The following DHX29 variants were observed in gnomAD, a reference collection of about 807,000 sequenced individuals.
DHX29 encodes the protein DExH-box helicase 29.
In DHX29, 79 loss-of-function variants were observed where a neutral mutation model predicts 167.9. That is an observed-to-expected ratio of 0.47 (90% confidence interval 0.39 to 0.57). The LOEUF (loss-of-function observed/expected upper bound fraction) is 0.57. Among genes scored for constraint, DHX29 ranks in the 20% least tolerant of loss-of-function variants. The pLI is 0.00. For missense variants in DHX29, 1,347 were observed against 1,593.4 expected (o/e 0.85, Z 2.63); for synonymous variants, 530 against 546.0 (o/e 0.97, Z 0.41).
chr5:55,286,942 G>A (rs1459397054), intron 8 of DHX29, among the ~76,000 whole-genome samples: 5 of 152,130 alleles, frequency 3.3e-5, no homozygotes, highest in Non-Finnish European at 5.9e-5. Context: ...CTAAACATCT[G>A]TCAAATCTCA....
rs138071400 is a variant in DHX29, at chr5:55,295,389, G to A, written c.641C>T (p.Pro214Leu). Residue 214 changes from proline to leucine, a missense_variant, in exon 5 of 27, where the codon CCT becomes CTT. Around this residue, in one of 3 missense-constraint regions of DHX29, gnomAD observed 405 missense variants for 416.8 expected, o/e 0.97. Transcript: ENST00000251636. ...QPKTKTYEED[P>L]KSKPKKEEKN... The stretch of plus-strand genomic sequence containing the variant: ...TAATTCTCAAATTACCTTACTCTTA[G>A]GGTCCTCTTCATATGTTTTTGTTTT... 1.9e-5 allele frequency: 30 copies of A among 1,610,504 alleles called. No homozygotes were observed. Among genetic ancestry groups the A allele is most frequent in the African/African-American group, 1.6e-4 (12 of 74,900 alleles).
chr5:55,283,152 G>A (rs1194023393), intron 11 of DHX29, 51 bp downstream of exon 11: 1 of 1,529,114 alleles, frequency 6.5e-7, no homozygotes, highest in South Asian at 1.3e-5. Context: ...CAAAAGCAAA[G>A]GTGAGTAATG....
In DHX29 at chr5:55,267,751, A is replaced by G. The variant is rs752518515; in HGVS notation, c.3366T>C (p.Asp1122=). The G allele has an allele frequency of 6.2e-6, 10 of 1,609,606 alleles. No individual in the cohort carries two copies. Among genetic ancestry groups the G allele is most frequent in the African/African-American group, 2.7e-5 (2 of 74,820 alleles). Residue 1122 remains aspartate (D), a synonymous_variant, in exon 22 of 27, where the codon GAT becomes GAC. Coordinates refer to ENST00000251636, the MANE Select transcript of DHX29 (RefSeq NM_019030.4). ...TTPIGRKDEA[D]LAKSALAMAD... is the part of the protein sequence containing the mutation. ...CCATGGCCAAAGCTGATTTTGCAAG[A>G]TCTGCTTCATCTTTTCGACCAATTG... is the stretch of plus-strand genomic sequence containing the variant.
At chr5:55,270,340 T>G in intron 20 of DHX29, 72 bp downstream of exon 20, 2 of 1,467,058 alleles carry the variant, frequency 1.4e-6, no homozygotes, top group African/African-American at 1.4e-5. Flanking sequence ...TAAGGTAAGT[T>G]TAGGTGTTCA....
intron 1 of DHX29, among the ~76,000 whole-genome samples, chr5:55,303,286 T>C (rs1748698816): frequency 6.6e-6 from 1 of 152,200 alleles, no homozygotes; most frequent in Non-Finnish European, 1.5e-5. Context: ...AGTGTGTACA[T>C]CTGCAGAATG....
At chr5:55,274,164 T>C (rs1422110764) in intron 16 of DHX29, among the ~76,000 whole-genome samples, 1 of 148,402 alleles carries the variant, frequency 6.7e-6, no homozygotes. Context: ...TAGGCCATGG[T>C]GAGAAGTTCC....
Position 55,283,174 on chromosome 5 carries a change from C to T in DHX29, c.1965+29G>A, listed in dbSNP as rs562543125. On this transcript the variant is annotated intron_variant, in intron 11 of 26. Transcript: ENST00000251636. ...AAAGGTGAGTAATGTCACCATCATTCACTGAGGTGGAGTTGAATGACAGCT... is the reference window on the plus strand; with the variant it reads ...AAAGGTGAGTAATGTCACCATCATTTACTGAGGTGGAGTTGAATGACAGCT... 4 of 1,548,490 alleles carry T rather than the reference C, an allele frequency of 2.6e-6. No individual in the cohort carries two copies. In the South Asian group the frequency reaches 5.0e-5, roughly 19 times the overall value.
rs1410870523 is a variant in DHX29 at position 55,269,397 on chromosome 5, G to A, written c.3294+16C>T. 3 of 1,606,390 alleles carry A rather than the reference G, an allele frequency of 1.9e-6. No individual in the cohort carries two copies. In the African/African-American group the frequency reaches 4.0e-5, roughly 22 times the overall value. Reference sequence around the variant, plus strand: ...GGATATTTAAAGTAAAGAAGCAGCAGCATTGTTTGACTTACCACTGGGTCA... The same window carrying A: ...GGATATTTAAAGTAAAGAAGCAGCAACATTGTTTGACTTACCACTGGGTCA... On this transcript the variant is annotated intron_variant, in intron 21 of 26. Transcript: ENST00000251636.
rs752404046 is a variant in DHX29 at position 55,307,614 on chromosome 5, G to A, written c.-41C>T. Reference sequence around the variant, plus strand: ...GAAGATCCTTCGCGGCCCAGGCCCCGACGGTACCACTGCACAGCCGAGAGC... The same window carrying A: ...GAAGATCCTTCGCGGCCCAGGCCCCAACGGTACCACTGCACAGCCGAGAGC... On this transcript the variant is annotated 5_prime_UTR_variant, in exon 1 of 27. Transcript: ENST00000251636. 46 of 1,607,928 alleles carry A rather than the reference G, an allele frequency of 2.9e-5. No individual in the cohort carries two copies. The South Asian group carries it at 3.5e-4, about 12-fold the overall frequency.
At chr5:55,286,552 C>G (rs1394820612) in intron 8 of DHX29, among the ~76,000 whole-genome samples, 3 of 152,200 alleles carry the variant, frequency 2.0e-5, no homozygotes, top group Admixed American at 1.3e-4. Context: ...CAGCACTACC[C>G]TCAACAGCTT....
chr5:55,294,762 T>A (rs1382844435), intron 5 of DHX29: 1 of 152,584 alleles, frequency 6.6e-6, no homozygotes, highest in Non-Finnish European at 1.5e-5. Flanking sequence ...CGTTTTACAA[T>A]ATGCAGAGTA....
chr5:55,299,435 CTA>C (rs1275845164), intron 1 of DHX29, among the ~76,000 whole-genome samples: 1 of 152,116 alleles, frequency 6.6e-6, no homozygotes, highest in East Asian at 1.9e-4. Context: ...TCCAGGGTTG[CTA>C]TAGTTTCCTA....
chr5:55,265,916 ATG>A (rs1190498069), intron 23 of DHX29, among the ~76,000 whole-genome samples: 2 of 152,078 alleles, frequency 1.3e-5, no homozygotes, highest in African/African-American at 4.8e-5. Context: ...ATATAATTTG[ATG>A]TGTGTTTGAA....
Position 55,299,020 on chromosome 5 carries a change from G to C in DHX29, c.188-356C>G, listed in dbSNP as rs537720455. ...AGTCCGCAGTCCGGCCTGGGCGACA[G>C]AGCGAGACTCCGTCTCAAAAAAAAA... On this transcript the variant is annotated intron_variant, in intron 1 of 26. Coordinates refer to ENST00000251636, the MANE Select transcript of DHX29 (RefSeq NM_019030.4). Among the ~76,000 whole-genome samples, 542 of 120,366 alleles carry C rather than the reference G, an allele frequency of 4.5e-3. 4 individuals are homozygous for C. The highest frequency in any genetic ancestry group is 0.017 in the African/African-American group (519 of 30,468). 79.0% of individuals were successfully genotyped at this position (120,366 alleles called of 152,430 possible). A position where few individuals can be genotyped will look rare whatever the true frequency, so the allele number is the denominator to read the frequency against.
chr5:55,268,836 T>A (rs1746709995), intron 21 of DHX29, among the ~76,000 whole-genome samples: 1 of 152,180 alleles, frequency 6.6e-6, no homozygotes, highest in African/African-American at 2.4e-5. Context: ...AAAAAGTTTT[T>A]AATTTTACTT....
At chr5:55,258,487 G>C (rs1407113823) in intron 26 of DHX29, among the ~76,000 whole-genome samples, 1 of 152,190 alleles carries the variant, frequency 6.6e-6, no homozygotes, top group Non-Finnish European at 1.5e-5. Context: ...CAGTATGTCT[G>C]GGGTAGGTCT....
At chr5:55,276,482 C>A in intron 13 of DHX29, 76 bp from the exon 14 acceptor site, 1 of 1,152,432 alleles carries the variant, frequency 8.7e-7, no homozygotes, top group Non-Finnish European at 1.2e-6. Context: ...GAACAGGGGA[C>A]ACCACCTTTT....
intron 11 of DHX29, among the ~76,000 whole-genome samples, chr5:55,282,322 T>C (rs1243492481): frequency 6.6e-6 from 1 of 152,224 alleles, no homozygotes; most frequent in Non-Finnish European, 1.5e-5. Context: ...AGTATCATAC[T>C]AGGAGTGCCT....
chr5:55,279,190 G>A (rs1345078710), intron 12 of DHX29, among the ~76,000 whole-genome samples: 1 of 152,294 alleles, frequency 6.6e-6, no homozygotes, highest in Non-Finnish European at 1.5e-5. Context: ...CTTGAGAAAG[G>A]CAAAATAAAA....
Sources: gnomAD v4.1 joint callset for allele counts (sites outside exome capture counted in the v4.1 genomes callset) on GRCh38, gnomAD v4.1.1 for gene constraint, gnomAD v4.1.1 regional missense constraint, MANE v1.5 for transcripts, NCBI Gene and HGNC (gene_info 2026-07-23, HGNC 2026-07-21) for gene names.